PSD3: variants seen among roughly 807,000 people sequenced by gnomAD.
PSD3 encodes the protein pleckstrin and Sec7 domain containing 3, also known as PH and SEC7 domain-containing protein 3.
A neutral mutation model predicts 105.5 loss-of-function variants in PSD3; 49 were observed. The observed-to-expected ratio is 0.46, with a 90% CI of 0.37 to 0.59. The LOEUF is 0.59. Among genes scored for constraint, PSD3 ranks in the 20% least tolerant of loss-of-function variants. PSD3 has a pLI of 0.00. For synonymous variants in PSD3, 557 were observed against 457.8 expected (o/e 1.22, Z -2.77); for missense variants, 1,561 against 1,263.8 (o/e 1.24, Z -3.57).
intron 9 of PSD3, among the ~76,000 whole-genome samples, chr8:18,718,677 A>T (rs954725690): frequency 6.6e-6 from 1 of 152,236 alleles, no homozygotes; most frequent in African/African-American, 2.4e-5. Flanking sequence ...AATGTCATAT[A>T]ATCTGAAGAA....
chr8:18,993,398 G>A lies in PSD3; in HGVS notation c.21+20165C>T. ...AGAATCCAATAAAATAATTCTCAGA[G>A]TCTCATTGTTTCAGAGTATAGTGGC... On this transcript the variant is annotated intron_variant, in intron 1 of 15. Transcript: ENST00000327040. Among the ~76,000 whole-genome samples, 2 of 149,508 alleles carry A rather than the reference G, an allele frequency of 1.3e-5. 1 individual carries two copies. Among genetic ancestry groups the A allele is most frequent in the Non-Finnish European group, 3.0e-5 (2 of 66,284 alleles).
intron 9 of PSD3, among the ~76,000 whole-genome samples, chr8:18,708,409 T>C (rs1275292461): frequency 6.6e-6 from 1 of 152,132 alleles, no homozygotes; most frequent in Admixed American, 6.5e-5. Context: ...TAGCACCTCA[T>C]GGCAGCTCTA....
chr8:18,654,652 A>G (rs1440143563), intron 10 of PSD3, among the ~76,000 whole-genome samples: 2 of 152,202 alleles, frequency 1.3e-5, no homozygotes, highest in African/African-American at 4.8e-5. Flanking sequence ...ACCCTGAAAC[A>G]CTATATGTCA....
At chr8:18,979,244 G>A (rs978047307) in intron 1 of PSD3, among the ~76,000 whole-genome samples, 1 of 151,840 alleles carries the variant, frequency 6.6e-6, no homozygotes, top group Admixed American at 6.6e-5. Flanking sequence ...TTGCCAAGAA[G>A]TATATCCAAC....
At chr8:18,780,141 T>A (rs1808468152) in intron 8 of PSD3, among the ~76,000 whole-genome samples, 1 of 152,330 alleles carries the variant, frequency 6.6e-6, no homozygotes, top group Admixed American at 6.5e-5. Context: ...TGTTTAATCT[T>A]CTTGCTGAAA....
At chr8:18,825,223 CA>C (rs1306285688) in intron 4 of PSD3, among the ~76,000 whole-genome samples, 2 of 152,292 alleles carry the variant, frequency 1.3e-5, no homozygotes, top group Admixed American at 1.3e-4. Context: ...AGTTATATTT[CA>C]AAAGGCATCC....
intron 11 of PSD3, among the ~76,000 whole-genome samples, chr8:18,608,770 G>GC (rs1805046421): frequency 1.3e-5 from 2 of 151,554 alleles, no homozygotes; most frequent in Admixed American, 6.6e-5. Context: ...TGCCAGAAAA[G>GC]TTTTTTTTTA....
intron 9 of PSD3, among the ~76,000 whole-genome samples, chr8:18,758,483 T>C: frequency 6.6e-6 from 1 of 151,840 alleles, no homozygotes; most frequent in East Asian, 1.9e-4. Context: ...AGATCCTTTT[T>C]GGGGTTTGAA....
Position 19,019,949 on chromosome 8 carries a change from C to A in PSD3, c.324+64257G>T, listed in dbSNP as rs750293669. 5.3e-5 allele frequency among the ~76,000 whole-genome samples: 8 copies of A among 152,120 alleles called. No homozygotes were observed. In the East Asian group the frequency reaches 1.5e-3, roughly 29 times the overall value. ...TAGTAAGTGCACAAGAAATGTTAGA[C>A]CAGAGGGTGGTCCGGGGCATAGGGT... On this transcript the variant is annotated intron_variant, in intron 1 of 1. Transcript: ENST00000521475.
chr8:18,748,443 G>A (rs1442120005), intron 9 of PSD3, among the ~76,000 whole-genome samples: 3 of 151,984 alleles, frequency 2.0e-5, no homozygotes, highest in African/African-American at 7.3e-5. Context: ...GGCGGATCAC[G>A]AGGCCAGGAG....
chr8:18,886,182 A>C (rs1818440815), intron 2 of PSD3, among the ~76,000 whole-genome samples: 1 of 152,122 alleles, frequency 6.6e-6, no homozygotes, highest in African/African-American at 2.4e-5. Context: ...TGTTCCCAGG[A>C]AAGCTTGTGG....
At chr8:18,904,740 C>A (rs149296682) in intron 2 of PSD3, among the ~76,000 whole-genome samples, 3 of 152,316 alleles carry the variant, frequency 2.0e-5, no homozygotes, top group African/African-American at 7.2e-5. Context: ...AATACCTTAA[C>A]CTTTCTGGGC....
intron 10 of PSD3, 75 bp downstream of exon 10, chr8:18,655,567 C>A: frequency 1.5e-6 from 2 of 1,336,398 alleles, no homozygotes; most frequent in Non-Finnish European, 2.1e-6. Flanking sequence ...TCTCTAAGAT[C>A]ACTTCCAAGG....
At chr8:18,668,174 G>C (rs1799589595) in intron 9 of PSD3, among the ~76,000 whole-genome samples, 1 of 152,238 alleles carries the variant, frequency 6.6e-6, no homozygotes, top group Non-Finnish European at 1.5e-5. Context: ...CGCGGCCAGA[G>C]TGGGCAGAGA....
chr8:18,632,487 A>AATTTCTATCCAAATCTAGACAC, intron 11 of PSD3, 126 bp downstream of exon 11: 2 of 1,029,754 alleles, frequency 1.9e-6, no homozygotes. Flanking sequence ...GGCTTTATCC[A>AATTTCTATCCAAATCTAGACAC]ATTTCAAGAA....
At chr8:18,980,581 G>T (rs781779714) in intron 1 of PSD3, among the ~76,000 whole-genome samples, 1 of 151,988 alleles carries the variant, frequency 6.6e-6, no homozygotes, top group Non-Finnish European at 1.5e-5. Flanking sequence ...CATCTTATTT[G>T]TGCTATTCAT....
At chr8:18,659,567 A>T (rs1048070869) in intron 9 of PSD3, among the ~76,000 whole-genome samples, 1 of 152,254 alleles carries the variant, frequency 6.6e-6, no homozygotes, top group African/African-American at 2.4e-5. Flanking sequence ...CTAAGACCAA[A>T]CCTTATAGCA....
At chr8:18,799,381 A>T in intron 7 of PSD3, 28 bp from the exon 8 acceptor site, 1 of 1,547,670 alleles carries the variant, frequency 6.5e-7, no homozygotes, top group Non-Finnish European at 8.9e-7. Flanking sequence ...AAAAAAAAGC[A>T]TGAATTCGCT....
At chr8:18,577,427 TTAC>T (rs1381408590) in intron 12 of PSD3, among the ~76,000 whole-genome samples, 1 of 151,994 alleles carries the variant, frequency 6.6e-6, no homozygotes, top group African/African-American at 2.4e-5. Flanking sequence ...TCCTCTGCCC[TTAC>T]ATCATTTTTT....
Sources: allele counts gnomAD v4.1 joint callset (sites outside exome capture counted in the v4.1 genomes callset), GRCh38; gene constraint gnomAD v4.1.1; transcripts MANE v1.5; gene names NCBI Gene and HGNC (gene_info 2026-07-23, HGNC 2026-07-21).